Variants in CFLAR observed in about 807,000 individuals in gnomAD.
The protein encoded by CFLAR is CASP8 and FADD like apoptosis regulator, also known as CASP8 and FADD-like apoptosis regulator.
In CFLAR, 14 loss-of-function variants were observed where a neutral mutation model predicts 51.1. That is an observed-to-expected ratio of 0.27 (90% CI 0.18 to 0.43). CFLAR has a LOEUF of 0.43. Among genes scored for constraint, CFLAR ranks in the 20% least tolerant of loss-of-function variants. CFLAR has a pLI of 1.00. For missense variants in CFLAR, 390 were observed against 566.5 expected (o/e 0.69, Z 3.16); for synonymous variants, 210 against 211.6 (o/e 0.99, Z 0.06).
chr2:201,140,436 C>T lies in CFLAR; in HGVS notation c.603C>T (p.Phe201=). 3 of 1,594,326 alleles carry T rather than the reference C, an allele frequency of 1.9e-6. No individual in the cohort carries two copies. Among genetic ancestry groups the T allele is most frequent in the Non-Finnish European group, 2.6e-6 (3 of 1,173,546 alleles). ...GTCTCAAGGATCCTTCAAATAACTT[C>T]AGGGTGAGTCTGGAGAAAACATATG... ...QKSLKDPSNN[F]RLHNGRSKEQ... The change falls in exon 5 of 10, where the codon TTC becomes TTT. Residue 201 remains phenylalanine (F), a synonymous_variant. Transcript: ENST00000309955.
Position 201,168,691 on chromosome 2 carries a change from A to G in CFLAR, c.*4718A>G, listed in dbSNP as rs1943820430. On this transcript the variant is annotated 3_prime_UTR_variant, in exon 10 of 10. Coordinates refer to ENST00000309955, the MANE Select transcript of CFLAR (RefSeq NM_003879.7). Reference sequence around the variant, plus strand: ...AGAGGAAGTAAAACTGTGTTTGCAGATGACATGATACTATATCTAGAAAAC... The same window carrying G: ...AGAGGAAGTAAAACTGTGTTTGCAGGTGACATGATACTATATCTAGAAAAC... 6.6e-6 allele frequency: 1 copy of G among 152,200 alleles called. No homozygotes were observed. Among genetic ancestry groups the G allele is most frequent in the African/African-American group, 2.4e-5 (1 of 41,442 alleles). 9.4% of individuals were successfully genotyped at this position (152,200 alleles called of 1,614,324 possible). A position where few individuals can be genotyped will look rare whatever the true frequency, so the allele number is the denominator to read the frequency against.
chr2:201,117,720 G>T (rs1252794035), intron 1 of CFLAR, among the ~76,000 whole-genome samples: 1 of 144,688 alleles, frequency 6.9e-6, no homozygotes, highest in African/African-American at 2.5e-5. Flanking sequence ...AAGTTTCGTT[G>T]AACAAAAAAC....
At chr2:201,140,608 A>G in intron 5 of CFLAR, 169 bp downstream of exon 5, 1 of 557,126 alleles carries the variant, frequency 1.8e-6, no homozygotes, top group Non-Finnish European at 3.1e-6. Context: ...AAGCTAATAC[A>G]TGTTCATTGA....
intron 8 of CFLAR, chr2:201,157,973 G>A (rs1369722161): frequency 2.0e-5 from 3 of 152,244 alleles, no homozygotes; most frequent in African/African-American, 7.2e-5. Flanking sequence ...CTTGTCTGAG[G>A]CTCAGACCTG....
At chr2:201,157,192 A>G (rs545242747) in intron 8 of CFLAR, among the ~76,000 whole-genome samples, 107 of 152,302 alleles carry the variant, frequency 7.0e-4, no homozygotes, top group Non-Finnish European at 1.3e-3. Flanking sequence ...TCTTTCACCC[A>G]GGCTGGAGTG....
chr2:201,138,982 G>A lies in CFLAR; in HGVS notation c.524-1375G>A. On this transcript the variant is annotated intron_variant, in intron 4 of 9. Coordinates refer to ENST00000309955, the MANE Select transcript of CFLAR (RefSeq NM_003879.7). This position sits in a 1 kb window ranked among gnomAD's most constrained non-coding sequence, Gnocchi z 4.0. ...CGTTGTAGGTGAGTCCCTGGTCACT[G>A]GCGAAGAGCTGCTGCACGGTGTGGG... The A allele has an allele frequency of 3.6e-6, 2 of 557,112 alleles. No homozygotes were observed. Among genetic ancestry groups the A allele is most frequent in the Admixed American group, 2.0e-5 (1 of 49,816 alleles). The allele number at this position is 557,112 out of a possible 1,614,324, so 34.5% of individuals were successfully genotyped here.
chr2:201,121,571 A>AG (rs2048186839), intron 1 of CFLAR, among the ~76,000 whole-genome samples: 1 of 152,240 alleles, frequency 6.6e-6, no homozygotes, highest in South Asian at 2.1e-4. Flanking sequence ...TAGAGCAAAA[A>AG]GCAGGTAGTG....
In CFLAR at chr2:201,149,744, T is replaced by A. The variant is rs756695344; in HGVS notation, c.712-10T>A. The stretch of plus-strand genomic sequence containing the variant: ...CCAGAGTCTTTAGCATTTCTTGTCT[T>A]CCTTTCCAGAGCATACCTGAAGAGA... On this transcript the variant is annotated splice_polypyrimidine_tract_variant and intron_variant, in intron 7 of 9. Transcript: ENST00000309955. 6.2e-7 allele frequency: 1 copy of A among 1,606,106 alleles called. No homozygotes were observed. The highest frequency in any genetic ancestry group is 1.1e-5 in the South Asian group (1 of 90,906).
chr2:201,164,142 G>C lies in CFLAR; in HGVS notation c.*169G>C, dbSNP rs533196491. The C allele has an allele frequency of 4.1e-6, 2 of 486,264 alleles. No homozygotes were observed. The highest frequency in any genetic ancestry group is 7.1e-5 in the East Asian group (2 of 28,036). 30.1% of individuals were successfully genotyped at this position (486,264 alleles called of 1,614,324 possible). A position where few individuals can be genotyped will look rare whatever the true frequency, so the allele number is the denominator to read the frequency against. Reference sequence around the variant, plus strand: ...TAGCTGGGTGTGGGTGTGGGTACCTGTATTCCCAGTTACTTGGGAGGCTGA... The same window carrying C: ...TAGCTGGGTGTGGGTGTGGGTACCTCTATTCCCAGTTACTTGGGAGGCTGA... On this transcript the variant is annotated 3_prime_UTR_variant, in exon 10 of 10. Coordinates refer to ENST00000309955, the MANE Select transcript of CFLAR (RefSeq NM_003879.7).
chr2:201,122,368 C>G (rs2048270996), intron 1 of CFLAR: 1 of 152,188 alleles, frequency 6.6e-6, no homozygotes, highest in Admixed American at 6.5e-5. Context: ...TCTTCTGGAT[C>G]CAACAACCAG....
intron 7 of CFLAR, 65 bp from the exon 8 acceptor site, chr2:201,149,688 TG>T: frequency 8.1e-7 from 1 of 1,231,868 alleles, no homozygotes; most frequent in Non-Finnish European, 1.2e-6. Flanking sequence ...AGATGGTATA[TG>T]GGTGGGACCT....
At chr2:201,143,022 A>G (rs1939298100) in intron 5 of CFLAR, among the ~76,000 whole-genome samples, 1 of 152,164 alleles carries the variant, frequency 6.6e-6, no homozygotes, top group African/African-American at 2.4e-5. Context: ...TTTCTCTGCT[A>G]TTGTCTGTCT....
chr2:201,141,606 T>C, intron 5 of CFLAR: 1 of 1,317,214 alleles, frequency 7.6e-7, no homozygotes, highest in Non-Finnish European at 9.7e-7. Context: ...CTTTGTGCAT[T>C]TGTTTTTTTA....
intron 8 of CFLAR, among the ~76,000 whole-genome samples, chr2:201,159,226 A>G (rs7558911): frequency 0.43 from 64,833 of 151,628 alleles, 14,160 homozygotes; most frequent in Non-Finnish European, 0.48. Flanking sequence ...CATGTCTCCT[A>G]TTTCCTTGTT....
rs1943485924 is a variant in CFLAR, at chr2:201,165,798, G to C, written c.*1825G>C. The C allele has an allele frequency of 6.2e-6, 1 of 160,834 alleles. No individual in the cohort carries two copies. The highest frequency in any genetic ancestry group is 1.4e-5 in the Non-Finnish European group (1 of 73,620). 10.0% of individuals were successfully genotyped at this position (160,834 alleles called of 1,614,324 possible). On this transcript the variant is annotated 3_prime_UTR_variant, in exon 10 of 10. Coordinates refer to ENST00000309955, the MANE Select transcript of CFLAR (RefSeq NM_003879.7). ...GGTGATGACTCTTAAGGAGCATGCT[G>C]CCTTCAAGCATCTGTTTAACAAAGC...
In CFLAR at chr2:201,129,767, C is replaced by A; in HGVS notation, c.-99C>A. 1 of 1,114,860 alleles carries A rather than the reference C, an allele frequency of 9.0e-7. No individual in the cohort carries two copies. Among genetic ancestry groups the A allele is most frequent in the Non-Finnish European group, 1.3e-6 (1 of 767,266 alleles). 69.1% of individuals were successfully genotyped at this position (1,114,860 alleles called of 1,614,324 possible). A position where few individuals can be genotyped will look rare whatever the true frequency, so the allele number is the denominator to read the frequency against. ...GAAAGGATTCTGAAAGAAATGAAGT[C>A]AGCCCTCAGAAATGAAGTTGACTGC... On this transcript the variant is annotated 5_prime_UTR_variant, in exon 2 of 10. It introduces an in-frame stop codon into an upstream open reading frame of the 5' UTR. Coordinates refer to ENST00000309955, the MANE Select transcript of CFLAR (RefSeq NM_003879.7).
At position 201,144,391 on chromosome 2, in the gene CFLAR, A is replaced by G. The variant is rs148406958; in HGVS notation, c.607-987A>G. The G allele has an allele frequency of 3.3e-5, 5 of 152,370 alleles. No individual in the cohort carries two copies. In the East Asian group the frequency reaches 9.6e-4, roughly 29 times the overall value. The allele number at this position is 152,370 out of a possible 1,614,324, so 9.4% of individuals were successfully genotyped here. Reference sequence around the variant, plus strand: ...AGTGGTTTATCAAGAATATTTGATTATCAAGAATCAGGACCATATGTTGCT... The same window carrying G: ...AGTGGTTTATCAAGAATATTTGATTGTCAAGAATCAGGACCATATGTTGCT... On this transcript the variant is annotated intron_variant, in intron 5 of 9. Coordinates refer to ENST00000309955, the MANE Select transcript of CFLAR (RefSeq NM_003879.7).
chr2:201,131,243 CTT>C, intron 2 of CFLAR, among the ~76,000 whole-genome samples: 1 of 146,484 alleles, frequency 6.8e-6, no homozygotes. Context: ...TTGGTGTTTT[CTT>C]TTTTTTTTTG....
intron 4 of CFLAR, 176 bp downstream of exon 4, chr2:201,136,283 T>G: frequency 6.2e-7 from 1 of 1,600,010 alleles, no homozygotes; most frequent in South Asian, 1.1e-5. Context: ...ATATCCCAGA[T>G]CTGCCAACTC....
Sources: allele counts gnomAD v4.1 joint callset (sites outside exome capture counted in the v4.1 genomes callset), GRCh38; gene constraint gnomAD v4.1.1; non-coding constraint Gnocchi (gnomAD v3.1); transcripts MANE v1.5; gene names NCBI Gene and HGNC (gene_info 2026-07-23, HGNC 2026-07-21).